The following KBTBD3 variants were observed in gnomAD, a reference collection of about 807,000 sequenced individuals.
KBTBD3 encodes the protein kelch repeat and BTB domain-containing protein 3.
Under a neutral mutation model 49.6 loss-of-function variants are expected in KBTBD3, and 38 were observed. The observed-to-expected ratio is 0.77, with a 90% CI of 0.59 to 1.00. The LOEUF (loss-of-function observed/expected upper bound fraction) is 1.00. Among genes scored for constraint, KBTBD3 ranks in the 50% least tolerant of loss-of-function variants. The pLI, the probability that KBTBD3 is intolerant of heterozygous loss-of-function variation, is 0.00. For synonymous variants in KBTBD3, 214 were observed against 250.4 expected, an observed-to-expected ratio of 0.85 and a Z score of 1.37; for missense variants, 661 against 712.0, an observed-to-expected ratio of 0.93 and a Z score of 0.81.
At chr11:106,058,483 G>A (rs1404643121) in intron 3 of KBTBD3, among the ~76,000 whole-genome samples, 10 of 151,690 alleles carry the variant, frequency 6.6e-5, no homozygotes, top group Non-Finnish European at 2.9e-5. Context: ...GGAGTGCGGT[G>A]GCGCGATCTC....
At chr11:106,076,986 G>A (rs1256338733) in intron 1 of KBTBD3, among the ~76,000 whole-genome samples, 1 of 152,168 alleles carries the variant, frequency 6.6e-6, no homozygotes, top group Non-Finnish European at 1.5e-5. Context: ...TCAGTGTTGC[G>A]CACTGGGGAT....
intron 2 of KBTBD3, among the ~76,000 whole-genome samples, chr11:106,065,586 T>C (rs1860793318): frequency 6.6e-6 from 1 of 152,098 alleles, no homozygotes; most frequent in Admixed American, 6.5e-5. Flanking sequence ...ACTGATAATT[T>C]GGGGTAAAAT....
intron 2 of KBTBD3, among the ~76,000 whole-genome samples, chr11:106,068,356 C>T (rs1860851372): frequency 1.3e-5 from 2 of 152,110 alleles, no homozygotes; most frequent in Non-Finnish European, 2.9e-5. Flanking sequence ...TAAACATCTC[C>T]ACACACTTGG....
At chr11:106,058,706 G>A (rs1480950366) in intron 3 of KBTBD3, 159 bp downstream of exon 3, 2 of 580,956 alleles carry the variant, frequency 3.4e-6, no homozygotes, top group Admixed American at 4.1e-5. Flanking sequence ...TTACAGGCGT[G>A]AGCCACCGTG....
At position 106,052,846 on chromosome 11, in the gene KBTBD3, A is replaced by G; in HGVS notation, c.*4T>C. Reference sequence around the variant, plus strand: ...TTACTAGAACTGGACTCGTTTTAGAATGTTCAAGCACATAGATTAGAAAAC... The same window carrying G: ...TTACTAGAACTGGACTCGTTTTAGAGTGTTCAAGCACATAGATTAGAAAAC... On this transcript the variant is annotated 3_prime_UTR_variant, in exon 4 of 4. Coordinates refer to ENST00000531837, the MANE Select transcript of KBTBD3 (RefSeq NM_198439.3). 1 of 1,597,086 alleles carries G rather than the reference A, an allele frequency of 6.3e-7. No homozygotes were observed. Among genetic ancestry groups the G allele is most frequent in the South Asian group, 1.1e-5 (1 of 88,126 alleles).
intron 2 of KBTBD3, among the ~76,000 whole-genome samples, chr11:106,066,178 C>T (rs1860807776): frequency 6.6e-6 from 1 of 151,984 alleles, no homozygotes; most frequent in African/African-American, 2.4e-5. Context: ...ACCTTTAAAC[C>T]AATAAATTGG....
chr11:106,059,703 A>T (rs978984654), intron 2 of KBTBD3, among the ~76,000 whole-genome samples: 2 of 152,232 alleles, frequency 1.3e-5, no homozygotes, highest in African/African-American at 4.8e-5. Context: ...GGAAAATCAC[A>T]TATATCTTAA....
At chr11:106,056,152 T>C (rs979488372) in intron 3 of KBTBD3, among the ~76,000 whole-genome samples, 4 of 152,186 alleles carry the variant, frequency 2.6e-5, no homozygotes, top group African/African-American at 9.6e-5. Context: ...ATTGAGTGAG[T>C]TTGATCATAT....
At chr11:106,057,415 T>C (rs1860575316) in intron 3 of KBTBD3, 1 of 152,228 alleles carries the variant, frequency 6.6e-6, no homozygotes, top group Admixed American at 6.5e-5. Flanking sequence ...ATGAACATAA[T>C]GCAAAATATT....
At chr11:106,073,424 T>C (rs1591539913) in intron 2 of KBTBD3, among the ~76,000 whole-genome samples, 2 of 152,110 alleles carry the variant, frequency 1.3e-5, no homozygotes, top group East Asian at 3.9e-4. Context: ...GTTTTACACA[T>C]ACTCTTTTAA....
At position 106,053,597 on chromosome 11, in the gene KBTBD3, C is replaced by T. The variant is rs900880641; in HGVS notation, c.1092G>A (p.Glu364=). 5.6e-6 allele frequency: 9 copies of T among 1,613,744 alleles called. No homozygotes were observed. Among genetic ancestry groups the T allele is most frequent in the Non-Finnish European group, 6.8e-6 (8 of 1,179,914 alleles). The change falls in exon 4 of 4, where the codon GAG becomes GAA. Residue 364 remains glutamate, a synonymous_variant. Coordinates refer to ENST00000531837, the MANE Select transcript of KBTBD3 (RefSeq NM_198439.3). Reference sequence around the variant, plus strand: ...TTTGATCAGTGGCATCATGATATGACTCGGCAATATGCAGTCGAACCGTTC... The same window carrying T: ...TTTGATCAGTGGCATCATGATATGATTCGGCAATATGCAGTCGAACCGTTC... ...CCRTVRLHIA[E]SYHDATDQTW...
intron 2 of KBTBD3, among the ~76,000 whole-genome samples, chr11:106,066,666 G>A (rs1297072713): frequency 1.3e-5 from 2 of 151,118 alleles, no homozygotes; most frequent in Non-Finnish European, 2.9e-5. Flanking sequence ...AATATTTGGT[G>A]AGCCAGTAAG....
intron 3 of KBTBD3, chr11:106,057,729 G>A (rs991367287): frequency 2.5e-5 from 6 of 242,340 alleles, no homozygotes; most frequent in African/African-American, 9.0e-5. Flanking sequence ...TTCAAGAAAT[G>A]CCTTATAGCT....
intron 2 of KBTBD3, among the ~76,000 whole-genome samples, chr11:106,074,467 C>G (rs1860990534): frequency 6.6e-6 from 1 of 152,218 alleles, no homozygotes; most frequent in Admixed American, 6.5e-5. Context: ...TATTTCACCT[C>G]TTAGGATAAT....
At chr11:106,074,122 AC>A (rs1336211833) in intron 2 of KBTBD3, among the ~76,000 whole-genome samples, 1 of 27,280 alleles carries the variant, frequency 3.7e-5, no homozygotes, top group Non-Finnish European at 2.6e-4. Flanking sequence ...ACCCCCCCCC[AC>A]ACACATACCC....
Position 106,053,675 on chromosome 11 carries a change from C to A in KBTBD3, c.1014G>T (p.Ser338=). The part of the protein sequence containing the change: ...HLIDLPGSSL[S]SYGEKIFLTG... ...TCAAGAATATTTTCTCTCCGTAACT[C>A]GAAAGACTAGATCCTGGCAAATCAA... The change falls in exon 4 of 4, where the codon TCG becomes TCT. Residue 338 remains serine (S), a synonymous_variant. Transcript: ENST00000531837. 1.2e-6 allele frequency: 2 copies of A among 1,613,724 alleles called. No homozygotes were observed. The highest frequency in any genetic ancestry group is 1.7e-6 in the Non-Finnish European group (2 of 1,179,898).
chr11:106,072,255 G>C (rs1272640862), intron 2 of KBTBD3, among the ~76,000 whole-genome samples: 1 of 152,178 alleles, frequency 6.6e-6, no homozygotes, highest in African/African-American at 2.4e-5. Context: ...GAGACTCTGA[G>C]TTGAAAATCA....
rs1276419235 is a variant in KBTBD3 at position 106,058,691 on chromosome 11, T to C, written c.233+174A>G. The C allele has an allele frequency of 9.0e-6, 5 of 553,628 alleles. No individual in the cohort carries two copies. The East Asian group carries it at 1.0e-4, about 11-fold the overall frequency. The allele number at this position is 553,628 out of a possible 1,614,324, so 34.3% of individuals were successfully genotyped here. A position where few individuals can be genotyped will look rare whatever the true frequency, so the allele number is the denominator to read the frequency against. Reference sequence around the variant, plus strand: ...CGCCCGCCTTGGCCTCTTAGGGTGTTGGGATTACAGGCGTGAGCCACCGTG... The same window carrying C: ...CGCCCGCCTTGGCCTCTTAGGGTGTCGGGATTACAGGCGTGAGCCACCGTG... On this transcript the variant is annotated intron_variant, in intron 3 of 3. Transcript: ENST00000531837.
chr11:106,058,150 C>T (rs930452443), intron 3 of KBTBD3: 10 of 362,884 alleles, frequency 2.8e-5, no homozygotes, highest in Middle Eastern at 7.1e-4. Flanking sequence ...TTTGGGAGGC[C>T]GAAGTGGGCG....
Sources: gnomAD v4.1 joint callset for allele counts (sites outside exome capture counted in the v4.1 genomes callset) on GRCh38, gnomAD v4.1.1 for gene constraint, MANE v1.5 for transcripts, NCBI Gene and HGNC (gene_info 2026-07-23, HGNC 2026-07-21) for gene names.